Variants in NECAB1 observed in about 807,000 individuals in gnomAD.
NECAB1 encodes the protein N-terminal EF-hand calcium binding protein 1, also known as N-terminal EF-hand calcium-binding protein 1.
In NECAB1, 29 loss-of-function variants were observed where a neutral mutation model predicts 57.5. The ratio of observed to expected loss-of-function variants is 0.50; its 90% CI spans 0.38 to 0.69. The LOEUF is 0.69. Ranked by LOEUF, NECAB1 falls within the 30% of genes least tolerant of loss-of-function variation. The pLI is 0.00. For synonymous variants in NECAB1, 142 were observed against 147.7 expected, an observed-to-expected ratio of 0.96 and a Z score of 0.28; for missense variants, 372 against 413.8, an observed-to-expected ratio of 0.90 and a Z score of 0.88.
At chr8:90,812,483 T>G (rs569920383) in intron 2 of NECAB1, among the ~76,000 whole-genome samples, 6 of 152,332 alleles carry the variant, frequency 3.9e-5, no homozygotes, top group African/African-American at 1.4e-4. Flanking sequence ...CCACGAAAAC[T>G]AATACACATT....
At chr8:90,835,906 C>A (rs1812364414) in intron 3 of NECAB1, among the ~76,000 whole-genome samples, 1 of 152,164 alleles carries the variant, frequency 6.6e-6, no homozygotes, top group South Asian at 2.1e-4. Context: ...CTAGACCCTG[C>A]CTGATTGATC....
At chr8:90,889,038 A>G (rs547516548) in intron 5 of NECAB1, among the ~76,000 whole-genome samples, 2 of 152,198 alleles carry the variant, frequency 1.3e-5, no homozygotes, top group Non-Finnish European at 1.5e-5. Context: ...AGATGTTTTC[A>G]TCAGTTGTAC....
chr8:90,926,626 T>C (rs1240198415), intron 7 of NECAB1, among the ~76,000 whole-genome samples: 1 of 152,200 alleles, frequency 6.6e-6, no homozygotes, highest in African/African-American at 2.4e-5. Context: ...TTCCAGGCTG[T>C]ATGTAGGTTG....
At chr8:90,949,591 A>C (rs573925385) in intron 10 of NECAB1, among the ~76,000 whole-genome samples, 1 of 152,306 alleles carries the variant, frequency 6.6e-6, no homozygotes, top group Non-Finnish European at 1.5e-5. Context: ...GAAAACTAAA[A>C]AAACAAACAA....
intron 3 of NECAB1, among the ~76,000 whole-genome samples, chr8:90,836,789 G>A (rs1394501): frequency 0.47 from 70,770 of 152,118 alleles, 19,757 homozygotes; most frequent in East Asian, 0.77. Context: ...TTAATCTGCA[G>A]TGATATCATG....
chr8:90,905,465 T>C (rs1386112), intron 5 of NECAB1, among the ~76,000 whole-genome samples: 42,963 of 152,022 alleles, frequency 0.28, 6,856 homozygotes, highest in East Asian at 0.6. Context: ...CCTGCACAGT[T>C]AATAGCCACA....
At position 90,958,263 on chromosome 8, in the gene NECAB1, A is replaced by G. The variant is rs148416635; in HGVS notation, c.*2751A>G. 1 of 151,760 alleles carries G rather than the reference A, an allele frequency of 6.6e-6. No homozygotes were observed. The highest frequency in any genetic ancestry group is 2.4e-5 in the African/African-American group (1 of 41,484). 9.4% of individuals were successfully genotyped at this position (151,760 alleles called of 1,614,324 possible). On this transcript the variant is annotated 3_prime_UTR_variant, in exon 13 of 13. Coordinates refer to ENST00000417640, the MANE Select transcript of NECAB1 (RefSeq NM_022351.5). ...TTCAAATGTCTAAATTCCTTTGGAAATAAAAATATCAGTTTTACTTTGAAA... is the reference window on the plus strand; with the variant it reads ...TTCAAATGTCTAAATTCCTTTGGAAGTAAAAATATCAGTTTTACTTTGAAA...
chr8:90,824,693 G>T lies in NECAB1; in HGVS notation c.125-24G>T, dbSNP rs553401204. The T allele has an allele frequency of 6.5e-6, 9 of 1,376,924 alleles. No homozygotes were observed. The South Asian group carries it at 1.2e-4, about 19-fold the overall frequency. 85.3% of individuals were successfully genotyped at this position (1,376,924 alleles called of 1,614,324 possible). A position where few individuals can be genotyped will look rare whatever the true frequency, so the allele number is the denominator to read the frequency against. On this transcript the variant is annotated intron_variant, in intron 2 of 12. Transcript: ENST00000417640. ...AATGTACAAAATTAAAATAATTTGT[G>T]TCTCTTTGTTCTTGCCATTTCAGAT...
In NECAB1 at chr8:90,881,132, T is replaced by A; in HGVS notation, c.357+2T>A. Reference sequence around the variant, plus strand: ...AAGGCAATGGGCAAAACAAAGAAAGTAAGAAAATGTTAATGTTTATTTTCT... The same window carrying A: ...AAGGCAATGGGCAAAACAAAGAAAGAAAGAAAATGTTAATGTTTATTTTCT... On this transcript the variant is annotated splice_donor_variant, in intron 5 of 12. Transcript: ENST00000417640. LOFTEE classifies it high-confidence loss of function. 1 of 1,564,976 alleles carries A rather than the reference T, an allele frequency of 6.4e-7. No homozygotes were observed. The highest frequency in any genetic ancestry group is 8.7e-7 in the Non-Finnish European group (1 of 1,148,672).
chr8:90,872,085 T>C, intron 3 of NECAB1, 43 bp from the exon 4 acceptor site: 1 of 1,479,344 alleles, frequency 6.8e-7, no homozygotes, highest in Non-Finnish European at 9.2e-7. Context: ...TTAAAAATAT[T>C]ACCAAAGTAA....
At chr8:90,859,006 T>A (rs1172463473) in intron 3 of NECAB1, 1 of 152,078 alleles carries the variant, frequency 6.6e-6, no homozygotes, top group Non-Finnish European at 1.5e-5. Context: ...CCTTTGGAAT[T>A]CCCCAAATTG....
At chr8:90,817,568 T>C (rs1812079595) in intron 2 of NECAB1, among the ~76,000 whole-genome samples, 1 of 151,780 alleles carries the variant, frequency 6.6e-6, no homozygotes, top group Non-Finnish European at 1.5e-5. Flanking sequence ...TCAGTTGATA[T>C]AATATGATTT....
At chr8:90,947,574 T>C (rs1051743901) in intron 10 of NECAB1, among the ~76,000 whole-genome samples, 1 of 152,078 alleles carries the variant, frequency 6.6e-6, no homozygotes, top group Non-Finnish European at 1.5e-5. Context: ...CTAATTTTTG[T>C]ATTTTTAGTA....
rs1178039932 is a variant in NECAB1, at chr8:90,907,149, T to TGA, written c.358-10342_358-10341insAG. Among the ~76,000 whole-genome samples, 368 of 107,176 alleles carry TGA rather than the reference T, an allele frequency of 3.4e-3. 1 individual carries two copies. Among genetic ancestry groups the TGA allele is most frequent in the South Asian group, 0.016 (58 of 3,530 alleles). The allele number at this position is 107,176 out of a possible 152,430, so 70.3% of individuals were successfully genotyped here. The stretch of plus-strand genomic sequence containing the variant: ...GTGTGTGTGTGTGTGTGTGTGTGTG[T>TGA]GTGAGAGAGAGAGAGAGAGAGAGAG... On this transcript the variant is annotated intron_variant, in intron 5 of 12. Transcript: ENST00000417640.
chr8:90,934,227 C>T, intron 8 of NECAB1, 77 bp from the exon 9 acceptor site: 1 of 1,008,716 alleles, frequency 9.9e-7, no homozygotes, highest in Non-Finnish European at 1.4e-6. Context: ...CATGAGAGAA[C>T]TATGATTTGA....
intron 3 of NECAB1, 29 bp downstream of exon 3, chr8:90,824,854 A>G (rs755583360): frequency 2.6e-6 from 3 of 1,152,308 alleles, no homozygotes; most frequent in South Asian, 3.0e-5. Context: ...ACTGGATTCC[A>G]CAAGTGAGGC....
intron 3 of NECAB1, among the ~76,000 whole-genome samples, chr8:90,851,328 C>T (rs969615385): frequency 5.3e-5 from 8 of 152,060 alleles, no homozygotes; most frequent in South Asian, 2.1e-4. Flanking sequence ...GGAGGGAGTG[C>T]GGGATCCTCC....
At chr8:90,814,345 C>T (rs1396027305) in intron 2 of NECAB1, among the ~76,000 whole-genome samples, 1 of 152,096 alleles carries the variant, frequency 6.6e-6, no homozygotes, top group Non-Finnish European at 1.5e-5. Flanking sequence ...GCTGAGGTAG[C>T]ATTTGTCAGC....
chr8:90,804,997 T>C (rs1024270756), intron 2 of NECAB1, among the ~76,000 whole-genome samples: 4 of 152,262 alleles, frequency 2.6e-5, no homozygotes, highest in African/African-American at 9.6e-5. Context: ...TCTCTATTGC[T>C]ACTGAAAGCT....
Sources: allele counts gnomAD v4.1 joint callset (sites outside exome capture counted in the v4.1 genomes callset), GRCh38; gene constraint gnomAD v4.1.1; transcripts MANE v1.5; gene names NCBI Gene and HGNC (gene_info 2026-07-23, HGNC 2026-07-21).